The following CES5A variants were observed in gnomAD, a reference collection of about 807,000 sequenced individuals.
The protein encoded by CES5A is carboxylesterase 5.
CES5A carries 67 observed loss-of-function variants against 62.9 expected under a neutral mutation model. The observed-to-expected ratio is 1.07, with a 90% confidence interval of 0.88 to 1.31. The LOEUF (loss-of-function observed/expected upper bound fraction) is 1.31. Ranked by LOEUF, CES5A falls within the 50% of genes most tolerant of loss-of-function variation. The probability of loss-of-function intolerance (pLI) is 0.00; values close to 1 mark genes in which losing one functional copy is unlikely to be tolerated. For synonymous variants in CES5A, 296 were observed against 280.8 expected (o/e 1.05, Z -0.54); for missense variants, 748 against 708.5 (o/e 1.06, Z -0.63).
intron 4 of CES5A, chr16:55,869,402 C>T (rs1322001188): frequency 2.2e-6 from 2 of 924,900 alleles, no homozygotes; most frequent in African/African-American, 1.7e-5. Flanking sequence ...TTAAACTTTA[C>T]CCAAGTGAGA....
At chr16:55,953,551 G>GAAA (rs151045317) in intron 1 of CES5A, among the ~76,000 whole-genome samples, 2 of 150,054 alleles carry the variant, frequency 1.3e-5, no homozygotes, top group Admixed American at 1.3e-4. Flanking sequence ...TTCACAAAAG[G>GAAA]AAAAAAAAAC....
chr16:55,886,290 C>G (rs1287071873), intron 1 of CES5A, among the ~76,000 whole-genome samples: 1 of 152,206 alleles, frequency 6.6e-6, no homozygotes, highest in Non-Finnish European at 1.5e-5. Context: ...TGGTGAATGG[C>G]TTGGCCAATT....
intron 11 of CES5A, among the ~76,000 whole-genome samples, chr16:55,849,184 A>G (rs1180217275): frequency 1.3e-5 from 2 of 152,194 alleles, no homozygotes; most frequent in African/African-American, 4.8e-5. Context: ...ACATTTCACA[A>G]GCATTTACAA....
intron 1 of CES5A, among the ~76,000 whole-genome samples, chr16:55,874,760 C>T (rs1319973340): frequency 5.9e-5 from 9 of 152,246 alleles, no homozygotes; most frequent in African/African-American, 2.2e-4. Flanking sequence ...AGGAAACTGC[C>T]CAGCTACTTA....
At chr16:55,887,727 T>C (rs1165095337) in intron 1 of CES5A, among the ~76,000 whole-genome samples, 5 of 152,148 alleles carry the variant, frequency 3.3e-5, no homozygotes, top group Non-Finnish European at 7.4e-5. Context: ...GTAAAAGACA[T>C]TGTCATGGGT....
chr16:55,952,927 C>A (rs1439231105), intron 1 of CES5A, among the ~76,000 whole-genome samples: 2 of 152,010 alleles, frequency 1.3e-5, no homozygotes, highest in South Asian at 2.1e-4. Flanking sequence ...CTACCATAAC[C>A]AAATACCAAA....
Position 55,874,044 on chromosome 16 carries a change from G to T in CES5A, c.74-7C>A. 6.3e-7 allele frequency: 1 copy of T among 1,593,184 alleles called. No individual in the cohort carries two copies. The highest frequency in any genetic ancestry group is 8.5e-7 in the Non-Finnish European group (1 of 1,170,550). ...GGCCCTTCAGCAGAAGGCCCTGCGG[G>T]AACACATGGGAGGAATCAGGAGCAG... is the stretch of plus-strand genomic sequence containing the variant. On this transcript the variant is annotated splice_polypyrimidine_tract_variant and splice_region_variant and intron_variant, in intron 1 of 12. Coordinates refer to ENST00000290567, the MANE Select transcript of CES5A (RefSeq NM_001143685.2).
At position 55,854,170 on chromosome 16, in the gene CES5A, G is replaced by T. The variant is rs1453924023; in HGVS notation, c.1126-1142C>A. On this transcript the variant is annotated intron_variant, in intron 9 of 12. Coordinates refer to ENST00000290567, the MANE Select transcript of CES5A (RefSeq NM_001143685.2). ...GGACAGTCAGCGTGCAAAATCCTAG[G>T]GTTCTGGGGTAAGACTATGACTTCT... 4.6e-5 allele frequency among the ~76,000 whole-genome samples: 7 copies of T among 152,242 alleles called. No homozygotes were observed. The East Asian group carries it at 1.4e-3, about 29-fold the overall frequency.
intron 1 of CES5A, among the ~76,000 whole-genome samples, chr16:55,897,727 C>T (rs1210746253): frequency 2.6e-5 from 4 of 152,318 alleles, no homozygotes; most frequent in African/African-American, 9.6e-5. Flanking sequence ...GGACACATGT[C>T]TTTACCATCA....
rs2033558483 is a variant in CES5A, at chr16:55,870,376, G to T, written c.418-632C>A. The stretch of plus-strand genomic sequence containing the variant: ...GGAGGAAGGAGGAAGAGGAGGAGGA[G>T]AAAGGATGAAAAATGAAGAAAGAAG... On this transcript the variant is annotated intron_variant, in intron 3 of 12. Coordinates refer to ENST00000290567, the MANE Select transcript of CES5A (RefSeq NM_001143685.2). 3.3e-5 allele frequency among the ~76,000 whole-genome samples: 5 copies of T among 151,886 alleles called. No individual in the cohort carries two copies. In the South Asian group the frequency reaches 8.3e-4, roughly 25 times the overall value.
chr16:55,848,992 A>G (rs1210344161), intron 11 of CES5A, among the ~76,000 whole-genome samples: 1 of 152,204 alleles, frequency 6.6e-6, no homozygotes, highest in Non-Finnish European at 1.5e-5. Flanking sequence ...CTTTGTCAAG[A>G]GGCCAGTGTG....
intron 1 of CES5A, among the ~76,000 whole-genome samples, chr16:55,893,313 A>G (rs1384068240): frequency 6.6e-6 from 1 of 152,144 alleles, no homozygotes; most frequent in Non-Finnish European, 1.5e-5. Flanking sequence ...TCGGTATGAA[A>G]TAGAAAAAAA....
At chr16:55,874,438 T>C (rs1393670061) in intron 1 of CES5A, among the ~76,000 whole-genome samples, 1 of 152,012 alleles carries the variant, frequency 6.6e-6, no homozygotes, top group Non-Finnish European at 1.5e-5. Context: ...CCAGCACCAC[T>C]GCTGGCATAT....
intron 1 of CES5A, among the ~76,000 whole-genome samples, chr16:55,883,609 A>C (rs1325777091): frequency 6.6e-6 from 1 of 152,126 alleles, no homozygotes; most frequent in African/African-American, 2.4e-5. Context: ...CAGTGGTGCT[A>C]ATCTCTGCTA....
At position 55,955,020 on chromosome 16, in the gene CES5A, T is replaced by G. The variant is rs752438669; in HGVS notation, c.42+824A>C. On this transcript the variant is annotated intron_variant, in intron 1 of 13. Transcript: ENST00000521992. ...TTGTCCAAATGTCCTCCAAAGTTGC[T>G]TCCAACTCTAAAGCTCTGATGCATT... is the stretch of plus-strand genomic sequence containing the variant. Among the ~76,000 whole-genome samples the G allele has an allele frequency of 2.0e-4, 31 of 152,146 alleles. 1 individual carries two copies. Among genetic ancestry groups the G allele is most frequent in the Non-Finnish European group, 7.4e-5 (5 of 68,018 alleles).
At chr16:55,938,518 A>G (rs1321447228) in intron 2 of CES5A, among the ~76,000 whole-genome samples, 4 of 151,716 alleles carry the variant, frequency 2.6e-5, no homozygotes, top group Non-Finnish European at 5.9e-5. Flanking sequence ...TGGGTGGATC[A>G]CAAGGTCAGG....
intron 1 of CES5A, among the ~76,000 whole-genome samples, chr16:55,894,498 C>CAAAAAAAAAAAAA (rs370359945): frequency 4.9e-5 from 5 of 102,968 alleles, no homozygotes; most frequent in East Asian, 5.4e-4. Flanking sequence ...AACTCTGTCT[C>CAAAAAAAAAAAAA]AAAAAAAAAA....
At chr16:55,856,724 C>A (rs1159899733) in intron 8 of CES5A, among the ~76,000 whole-genome samples, 1 of 152,192 alleles carries the variant, frequency 6.6e-6, no homozygotes, top group Non-Finnish European at 1.5e-5. Flanking sequence ...TAATTGTGGC[C>A]CCCTCAAAAT....
At chr16:55,950,963 G>A (rs1426652837) in intron 1 of CES5A, among the ~76,000 whole-genome samples, 14 of 151,716 alleles carry the variant, frequency 9.2e-5, no homozygotes, top group Admixed American at 6.6e-4. Context: ...TTAGCCAGGC[G>A]TGGTGGTGGG....
Sources: gnomAD v4.1 joint callset for allele counts (sites outside exome capture counted in the v4.1 genomes callset) on GRCh38, gnomAD v4.1.1 for gene constraint, MANE v1.5 for transcripts, NCBI Gene and HGNC (gene_info 2026-07-23, HGNC 2026-07-21) for gene names.